Variants in UQCC1 observed in about 807,000 individuals in gnomAD.
UQCC1 encodes bFGF-repressed Zic-binding protein.
Under a neutral mutation model 48.0 loss-of-function variants are expected in UQCC1, and 38 were observed. That is an observed-to-expected ratio of 0.79 (90% CI 0.61 to 1.04). The LOEUF is 1.04. Among genes scored for constraint, UQCC1 ranks in the 50% least tolerant of loss-of-function variants. The pLI is 0.00. For missense variants in UQCC1, 368 were observed against 381.8 expected (o/e 0.96, Z 0.30); for synonymous variants, 111 against 129.2 (o/e 0.86, Z 0.95).
intron 7 of UQCC1, among the ~76,000 whole-genome samples, chr20:35,325,476 G>A (rs2061182167): frequency 6.6e-6 from 1 of 152,206 alleles, no homozygotes; most frequent in African/African-American, 2.4e-5. Flanking sequence ...ATTTGGCACA[G>A]TGGTATCATG....
chr20:35,355,884 CTTTT>C (rs35947113), intron 6 of UQCC1, among the ~76,000 whole-genome samples: 2 of 140,300 alleles, frequency 1.4e-5, no homozygotes, highest in Admixed American at 7.1e-5. Context: ...CACATACTAT[CTTTT>C]TTTTTTTTTT....
intron 7 of UQCC1, chr20:35,345,058 G>A (rs2061418453): frequency 6.6e-6 from 1 of 152,262 alleles, no homozygotes; most frequent in Non-Finnish European, 1.5e-5. Flanking sequence ...CACCAGGAAA[G>A]GTATGGAATC....
intron 5 of UQCC1, among the ~76,000 whole-genome samples, chr20:35,372,716 A>C (rs2061748643): frequency 6.6e-6 from 1 of 152,174 alleles, no homozygotes; most frequent in Non-Finnish European, 1.5e-5. Flanking sequence ...AAAAAATACA[A>C]AACTTAGCTG....
At chr20:35,366,955 G>T (rs1021686160) in intron 5 of UQCC1, among the ~76,000 whole-genome samples, 2 of 151,842 alleles carry the variant, frequency 1.3e-5, no homozygotes, top group Admixed American at 6.6e-5. Context: ...TTAACCAGGC[G>T]TGGTGGTGGG....
chr20:35,410,755 T>TAAAAAAAA (rs57478774), intron 1 of UQCC1, among the ~76,000 whole-genome samples: 2 of 40,514 alleles, frequency 4.9e-5, no homozygotes, highest in African/African-American at 1.8e-4. Flanking sequence ...GGGGAAGGAT[T>TAAAAAAAA]AAAAAAAAAA....
intron 8 of UQCC1, among the ~76,000 whole-genome samples, chr20:35,308,109 A>T (rs553452603): frequency 6.6e-6 from 1 of 152,360 alleles, no homozygotes; most frequent in Non-Finnish European, 1.5e-5. Flanking sequence ...CCTCTTGGGC[A>T]TTGTGGTATG....
At chr20:35,402,593 A>G (rs2062181646) in intron 1 of UQCC1, among the ~76,000 whole-genome samples, 1 of 139,676 alleles carries the variant, frequency 7.2e-6, no homozygotes, top group Non-Finnish European at 1.5e-5. Context: ...ACAAACAAAC[A>G]AACAAACAAA....
intron 7 of UQCC1, among the ~76,000 whole-genome samples, chr20:35,327,835 T>G (rs150380190): frequency 0.012 from 1,767 of 151,856 alleles, 37 homozygotes; most frequent in African/African-American, 0.039. Context: ...AACCCCTTCT[T>G]TACTAAAAAT....
intron 7 of UQCC1, among the ~76,000 whole-genome samples, chr20:35,315,968 T>C (rs779982716): frequency 4.6e-5 from 7 of 152,166 alleles, no homozygotes; most frequent in South Asian, 4.1e-4. Context: ...CTCTCTCCTC[T>C]TGGGGAACAG....
At chr20:35,370,955 A>T (rs563865110) in intron 5 of UQCC1, among the ~76,000 whole-genome samples, 109 of 152,334 alleles carry the variant, frequency 7.2e-4, no homozygotes, top group African/African-American at 2.5e-3. Flanking sequence ...TTTGAGCCTC[A>T]ACTGTTTCTG....
At chr20:35,320,715 G>A (rs2061114746) in intron 7 of UQCC1, among the ~76,000 whole-genome samples, 1 of 152,150 alleles carries the variant, frequency 6.6e-6, no homozygotes, top group South Asian at 2.1e-4. Flanking sequence ...ATTATGGTGG[G>A]GGAATGGGAA....
chr20:35,392,520 T>C (rs2062025615), intron 2 of UQCC1, among the ~76,000 whole-genome samples: 1 of 150,810 alleles, frequency 6.6e-6, no homozygotes, highest in African/African-American at 2.4e-5. Flanking sequence ...AATGAGTTAT[T>C]TTCCCCTACC....
intron 2 of UQCC1, among the ~76,000 whole-genome samples, chr20:35,393,501 CAA>C (rs2062036521): frequency 1.2e-5 from 1 of 83,852 alleles, no homozygotes; most frequent in Non-Finnish European, 2.4e-5. Context: ...CAAACACACA[CAA>C]ACACACACAC....
chr20:35,309,164 T>C (rs1319510643), intron 8 of UQCC1: 1 of 455,850 alleles, frequency 2.2e-6, no homozygotes, highest in Non-Finnish European at 4.4e-6. Flanking sequence ...GGGAGAGCAA[T>C]CAGAATGGCT....
In UQCC1 at chr20:35,313,733, C is replaced by T. The variant is rs1451222978; in HGVS notation, c.651+955G>A. Among the ~76,000 whole-genome samples, 15 of 152,022 alleles carry T rather than the reference C, an allele frequency of 9.9e-5. 1 individual carries two copies. Among genetic ancestry groups the T allele is most frequent in the Admixed American group, 9.8e-4 (15 of 15,250 alleles). ...GGTTCAAGAGACTCCGCCTCTCATG[C>T]CTCACCTTCCCAAGCAGGTGGGATT... On this transcript the variant is annotated intron_variant, in intron 8 of 9. Coordinates refer to ENST00000374385, the MANE Select transcript of UQCC1 (RefSeq NM_018244.5).
At chr20:35,366,911 T>C (rs1294807566) in intron 5 of UQCC1, among the ~76,000 whole-genome samples, 1 of 151,894 alleles carries the variant, frequency 6.6e-6, no homozygotes, top group African/African-American at 2.4e-5. Flanking sequence ...CTGGCCAACA[T>C]GGCGAAACCC....
At chr20:35,334,222 T>G (rs2061289486) in intron 7 of UQCC1, among the ~76,000 whole-genome samples, 1 of 152,146 alleles carries the variant, frequency 6.6e-6, no homozygotes, top group Admixed American at 6.5e-5. Flanking sequence ...GAGTCTGAAG[T>G]GTCCTTAACA....
rs2062045545 is a variant in UQCC1, at chr20:35,394,105, G to A, written c.116C>T (p.Ser39Phe). Reference sequence around the variant, plus strand: ...AACAAATCTTACCTGGGAAGTGCGAGACAGAGCCCTGTCCCCCTGTCCTTG... The same window carrying A: ...AACAAATCTTACCTGGGAAGTGCGAAACAGAGCCCTGTCCCCCTGTCCTTG... ...PTQGQGDRAL[S>F]RTSQWPQMSQ... The change falls in exon 2 of 10, where the codon TCT (serine) becomes TTT (phenylalanine). Residue 39 changes from serine to phenylalanine, a missense_variant. Coordinates refer to ENST00000374385, the MANE Select transcript of UQCC1 (RefSeq NM_018244.5). The A allele has an allele frequency of 6.8e-6, 11 of 1,613,840 alleles. No homozygotes were observed. The highest frequency in any genetic ancestry group is 8.5e-6 in the Non-Finnish European group (10 of 1,179,824).
chr20:35,330,814 G>T (rs1470430662), intron 7 of UQCC1, among the ~76,000 whole-genome samples: 1 of 148,390 alleles, frequency 6.7e-6, no homozygotes, highest in African/African-American at 2.5e-5. Context: ...TTTCAAGCAG[G>T]AAAGGCCCTT....
Sources: gnomAD v4.1 joint callset for allele counts (sites outside exome capture counted in the v4.1 genomes callset) on GRCh38, gnomAD v4.1.1 for gene constraint, MANE v1.5 for transcripts, NCBI Gene and HGNC (gene_info 2026-07-23, HGNC 2026-07-21) for gene names.